DIP2C: variants seen among roughly 807,000 people sequenced by gnomAD.
The protein encoded by DIP2C is disco-interacting protein 2 homolog C.
Under a neutral mutation model 192.4 loss-of-function variants are expected in DIP2C, and 33 were observed. The observed-to-expected ratio is 0.17, with a 90% CI of 0.13 to 0.23. The LOEUF (loss-of-function observed/expected upper bound fraction) is 0.23, where lower values mean the gene tolerates loss of function less well. DIP2C is among the 10% of genes least tolerant of loss of function. The probability of loss-of-function intolerance (pLI) is 1.00; values close to 1 mark genes in which losing one functional copy is unlikely to be tolerated. For synonymous variants in DIP2C, 979 were observed against 864.1 expected (o/e 1.13, Z -2.33); for missense variants, 1,537 against 2,110.1 (o/e 0.73, Z 5.32).
At chr10:573,651 C>T (rs1317779583) in intron 1 of DIP2C, among the ~76,000 whole-genome samples, 1 of 152,194 alleles carries the variant, frequency 6.6e-6, no homozygotes, top group East Asian at 1.9e-4. Context: ...CTCAAGCAAT[C>T]CGCCCGCCTC....
At chr10:497,167 C>G (rs749102323) in intron 1 of DIP2C, among the ~76,000 whole-genome samples, 3 of 152,156 alleles carry the variant, frequency 2.0e-5, no homozygotes, top group Non-Finnish European at 4.4e-5. Context: ...TCACAATACC[C>G]CAAACAACGT....
At chr10:441,319 C>CA (rs1967708806) in intron 3 of DIP2C, 1 of 283,382 alleles carries the variant, frequency 3.5e-6, no homozygotes, top group African/African-American at 2.2e-5. Context: ...TTCGAGCCTC[C>CA]AAATCCTTTC....
intron 28 of DIP2C, among the ~76,000 whole-genome samples, chr10:344,571 G>A (rs1313283935): frequency 6.6e-6 from 1 of 152,240 alleles, no homozygotes; most frequent in East Asian, 1.9e-4. Context: ...GTGTTCTACT[G>A]TCAGCTGAGA....
Position 480,437 on chromosome 10 carries a change from C to A in DIP2C, c.157+6022G>T, listed in dbSNP as rs1158110438. The stretch of plus-strand genomic sequence containing the variant: ...TCCACGCTCACTGGATGAGTCTCAC[C>A]CGCCAGCCTGAGCCCTGGTCCATGC... On this transcript the variant is annotated intron_variant, in intron 2 of 36. Coordinates refer to ENST00000280886, the MANE Select transcript of DIP2C (RefSeq NM_014974.3). Among the ~76,000 whole-genome samples the A allele has an allele frequency of 3.9e-5, 6 of 152,144 alleles. No individual in the cohort carries two copies. The East Asian group carries it at 9.6e-4, about 24-fold the overall frequency.
intron 6 of DIP2C, among the ~76,000 whole-genome samples, chr10:417,625 TGTC>T (rs1564684298): frequency 5.5e-5 from 2 of 36,624 alleles, no homozygotes; most frequent in African/African-American, 1.6e-4. Flanking sequence ...TGCCTGCGCC[TGTC>T]AGGGCTCGGA....
At chr10:564,576 G>C (rs1461868438) in intron 1 of DIP2C, among the ~76,000 whole-genome samples, 2 of 152,136 alleles carry the variant, frequency 1.3e-5, no homozygotes, top group Admixed American at 1.3e-4. Context: ...CTGATCCCAG[G>C]TCTGCCGCTG....
chr10:423,179 C>T (rs968325032), intron 4 of DIP2C, 146 bp from the exon 5 acceptor site: 16 of 715,774 alleles, frequency 2.2e-5, no homozygotes, highest in African/African-American at 5.3e-5. Context: ...AGTTAAACCA[C>T]GTTTCAGATA....
intron 29 of DIP2C, among the ~76,000 whole-genome samples, chr10:331,265 A>C (rs1253874426): frequency 6.6e-6 from 1 of 152,234 alleles, no homozygotes; most frequent in Admixed American, 6.5e-5. Flanking sequence ...AACTAAAGAA[A>C]TGTAAGGAAG....
chr10:558,584 G>A (rs138485744), intron 1 of DIP2C, among the ~76,000 whole-genome samples: 11 of 151,984 alleles, frequency 7.2e-5, no homozygotes, highest in African/African-American at 2.2e-4. Flanking sequence ...ATGCCAGTGC[G>A]GGGGCCCACC....
intron 1 of DIP2C, among the ~76,000 whole-genome samples, chr10:599,784 G>C (rs535985938): frequency 6.6e-6 from 1 of 152,334 alleles, no homozygotes; most frequent in East Asian, 1.9e-4. Context: ...TTGTCATCCT[G>C]CTTTTGAGGA....
intron 29 of DIP2C, among the ~76,000 whole-genome samples, chr10:338,858 C>A (rs1428615818): frequency 4.9e-5 from 7 of 142,664 alleles, no homozygotes; most frequent in African/African-American, 1.8e-4. Flanking sequence ...CCCTGCCTGG[C>A]TCCCACAGCC....
intron 1 of DIP2C, among the ~76,000 whole-genome samples, chr10:587,061 G>C (rs561458331): frequency 1.4e-5 from 2 of 142,026 alleles, no homozygotes; most frequent in African/African-American, 5.2e-5. Flanking sequence ...CGTGGCGAGG[G>C]GCAAACAGTG....
At chr10:387,693 C>T (rs1202612689) in intron 14 of DIP2C, 52 bp downstream of exon 14, 9 of 1,556,172 alleles carry the variant, frequency 5.8e-6, no homozygotes. Flanking sequence ...ACAGGCAGGG[C>T]AGGGTGGGGG....
At chr10:417,518 A>G (rs1965722712) in intron 6 of DIP2C, among the ~76,000 whole-genome samples, 1 of 152,214 alleles carries the variant, frequency 6.6e-6, no homozygotes, top group Admixed American at 6.5e-5. Flanking sequence ...GGCGATTTCA[A>G]GCGCACTAAC....
At chr10:541,873 G>A (rs373282918) in intron 1 of DIP2C, among the ~76,000 whole-genome samples, 15 of 151,984 alleles carry the variant, frequency 9.9e-5, no homozygotes, top group African/African-American at 1.9e-4. Flanking sequence ...CCTGTCTCTC[G>A]GCCCCCCTCA....
intron 1 of DIP2C, among the ~76,000 whole-genome samples, chr10:688,843 G>C (rs1393142528): frequency 6.6e-6 from 1 of 152,230 alleles, no homozygotes; most frequent in Non-Finnish European, 1.5e-5. Context: ...CCGGGGGGAG[G>C]TTGACGATTC....
rs554959053 is a variant in DIP2C at position 497,921 on chromosome 10, G to T, written c.86-11391C>A. ...AGGTCTGCCTCTGTTGCCTGTGCTG[G>T]AGTGCAGTGGTGCAGTCACAGCTCA... On this transcript the variant is annotated intron_variant, in intron 1 of 36. Coordinates refer to ENST00000280886, the MANE Select transcript of DIP2C (RefSeq NM_014974.3). Among the ~76,000 whole-genome samples the T allele has an allele frequency of 2.6e-5, 4 of 152,280 alleles. No homozygotes were observed. In the South Asian group the frequency reaches 8.3e-4, roughly 32 times the overall value.
intron 29 of DIP2C, among the ~76,000 whole-genome samples, chr10:334,908 A>G (rs549839562): frequency 5.9e-5 from 9 of 152,280 alleles, no homozygotes; most frequent in Admixed American, 3.9e-4. Context: ...AACTGCTTTC[A>G]CTATTGTGGG....
intron 10 of DIP2C, among the ~76,000 whole-genome samples, chr10:395,553 C>T (rs1341519783): frequency 1.3e-5 from 2 of 152,204 alleles, no homozygotes; most frequent in Non-Finnish European, 2.9e-5. Context: ...AGCATTCTAT[C>T]CCATGACCAC....
Sources: allele counts gnomAD v4.1 joint callset (sites outside exome capture counted in the v4.1 genomes callset), GRCh38; gene constraint gnomAD v4.1.1; transcripts MANE v1.5; gene names NCBI Gene and HGNC (gene_info 2026-07-23, HGNC 2026-07-21).